CASQ2: variants seen among roughly 807,000 people sequenced by gnomAD.
The protein encoded by CASQ2 is calsequestrin 2.
Under a neutral mutation model 46.5 loss-of-function variants are expected in CASQ2, and 49 were observed. The ratio of observed to expected loss-of-function variants is 1.05; its 90% CI spans 0.84 to 1.34. The LOEUF (loss-of-function observed/expected upper bound fraction) is 1.34. CASQ2 is among the 40% of genes most tolerant of loss of function. The pLI is 0.00. For synonymous variants in CASQ2, 174 were observed against 168.5 expected (o/e 1.03, Z -0.25); for missense variants, 486 against 481.3 (o/e 1.01, Z -0.09).
At position 115,738,292 on chromosome 1, in the gene CASQ2, A is replaced by C; in HGVS notation, c.464T>G (p.Val155Gly). 2 of 1,613,924 alleles carry C rather than the reference A, an allele frequency of 1.2e-6. No individual in the cohort carries two copies. Among genetic ancestry groups the C allele is most frequent in the Non-Finnish European group, 1.7e-6 (2 of 1,179,792 alleles). The change falls in exon 4 of 11, where the codon GTC becomes GGC. Residue 155 changes from valine to glycine, a missense_variant. Coordinates refer to ENST00000261448, the MANE Select transcript of CASQ2 (RefSeq NM_001232.4). Reference sequence around the variant, plus strand: ...GTCTTCAATGCGTTCGAAGGCTTGGACTTCCAGTTTGCTGCTGATGATCTC... The same window carrying C: ...GTCTTCAATGCGTTCGAAGGCTTGGCCTTCCAGTTTGCTGCTGATGATCTC... ...PVEIISSKLEVQAFERIEDYI... is the reference protein window; with the variant it reads ...PVEIISSKLEGQAFERIEDYI...
chr1:115,735,945 T>C (rs1437530379), intron 4 of CASQ2, among the ~76,000 whole-genome samples: 1 of 152,118 alleles, frequency 6.6e-6, no homozygotes, highest in Non-Finnish European at 1.5e-5. Flanking sequence ...GTGGATCATC[T>C]GAGGTCAGGA....
intron 8 of CASQ2, among the ~76,000 whole-genome samples, chr1:115,708,649 T>C (rs1249319407): frequency 6.6e-6 from 1 of 152,246 alleles, no homozygotes; most frequent in Non-Finnish European, 1.5e-5. Context: ...ACTTGGACAG[T>C]GCCTGGCATA....
chr1:115,760,812 A>C (rs1477915468), intron 1 of CASQ2, among the ~76,000 whole-genome samples: 1 of 152,224 alleles, frequency 6.6e-6, no homozygotes, highest in Non-Finnish European at 1.5e-5. Flanking sequence ...AGTTCAAGTG[A>C]CTAGTGAAGA....
chr1:115,765,207 G>A (rs1649090499), intron 1 of CASQ2, among the ~76,000 whole-genome samples: 1 of 152,162 alleles, frequency 6.6e-6, no homozygotes, highest in Admixed American at 6.5e-5. Flanking sequence ...TGAGCCACTT[G>A]AGGGTCTCAT....
intron 9 of CASQ2, among the ~76,000 whole-genome samples, chr1:115,703,911 CAAAA>C (rs11325357): frequency 8.5e-6 from 1 of 117,978 alleles, no homozygotes; most frequent in East Asian, 2.4e-4. Flanking sequence ...GACCCTGTCT[CAAAA>C]AAAAAAAACA....
chr1:115,708,892 G>T (rs1654445913), intron 8 of CASQ2, among the ~76,000 whole-genome samples: 2 of 152,338 alleles, frequency 1.3e-5, no homozygotes, highest in African/African-American at 2.4e-5. Flanking sequence ...GCTCCTTCCA[G>T]CTCCTGTTGC....
At chr1:115,705,767 T>G (rs1000469351) in intron 8 of CASQ2, among the ~76,000 whole-genome samples, 5 of 152,210 alleles carry the variant, frequency 3.3e-5, no homozygotes. Context: ...AACGAGCTTC[T>G]GATTTACAGT....
At chr1:115,730,205 C>T (rs1299914720) in intron 5 of CASQ2, among the ~76,000 whole-genome samples, 1 of 152,070 alleles carries the variant, frequency 6.6e-6, no homozygotes, top group Non-Finnish European at 1.5e-5. Flanking sequence ...GGGCTGGGGC[C>T]CAGAGACCAA....
At chr1:115,749,215 A>G (rs899044907) in intron 1 of CASQ2, among the ~76,000 whole-genome samples, 2 of 152,242 alleles carry the variant, frequency 1.3e-5, no homozygotes, top group East Asian at 3.8e-4. Flanking sequence ...GTTAACTCTG[A>G]GAATTAAACA....
At chr1:115,759,579 C>A (rs1483539906) in intron 1 of CASQ2, among the ~76,000 whole-genome samples, 1 of 152,172 alleles carries the variant, frequency 6.6e-6, no homozygotes, top group Non-Finnish European at 1.5e-5. Flanking sequence ...TTATAGATGA[C>A]CCAGCCTCAG....
chr1:115,761,497 G>GAAGAAGAAGAAGAAGAAGAAGAAGA (rs1648956584), intron 1 of CASQ2, among the ~76,000 whole-genome samples: 1 of 18,940 alleles, frequency 5.3e-5, no homozygotes, highest in Non-Finnish European at 9.5e-5. Flanking sequence ...GGAGAAGAAG[G>GAAGAAGAAGAAGAAGAAGAAGAAGA]AGAAGAAGAA....
intron 5 of CASQ2, 76 bp downstream of exon 5, chr1:115,732,825 A>C: frequency 9.9e-7 from 1 of 1,006,112 alleles, no homozygotes; most frequent in East Asian, 2.4e-5. Context: ...AAAAGAAAAG[A>C]AAGAGTGGTG....
intron 1 of CASQ2, among the ~76,000 whole-genome samples, chr1:115,753,816 G>C (rs1272088770): frequency 6.6e-6 from 1 of 152,050 alleles, no homozygotes; most frequent in Non-Finnish European, 1.5e-5. Flanking sequence ...GGAGGTGGAG[G>C]GTCATAAAGA....
intron 1 of CASQ2, among the ~76,000 whole-genome samples, chr1:115,767,850 G>C (rs376326065): frequency 6.6e-6 from 1 of 152,158 alleles, no homozygotes; most frequent in Admixed American, 6.5e-5. Context: ...GATATTCTCC[G>C]TCTGACCCCC....
chr1:115,701,291 T>TATC lies in CASQ2; in HGVS notation c.1147_1149dup (p.Asp383dup), dbSNP rs72554069. 83 of 1,594,326 alleles carry TATC rather than the reference T, an allele frequency of 5.2e-5. 1 individual carries two copies. The highest frequency in any genetic ancestry group is 1.5e-4 in the Admixed American group (9 of 59,942). On this transcript the variant is annotated inframe_insertion, in exon 11 of 11. Coordinates refer to ENST00000261448, the MANE Select transcript of CASQ2 (RefSeq NM_001232.4). ...TCATCATTATCCTCTTCATCAGAATTATCATCATCATCATCATCTTCATCA... is the reference window on the plus strand; with the variant it reads ...TCATCATTATCCTCTTCATCAGAATTATCATCATCATCATCATCATCTTCATCA...
At chr1:115,731,048 C>T (rs951701867) in intron 5 of CASQ2, among the ~76,000 whole-genome samples, 2 of 152,172 alleles carry the variant, frequency 1.3e-5, no homozygotes, top group African/African-American at 4.8e-5. Context: ...TTCTTAAGCA[C>T]CAAATGGCAT....
chr1:115,712,558 C>A (rs1171780415), intron 8 of CASQ2, among the ~76,000 whole-genome samples: 1 of 152,126 alleles, frequency 6.6e-6, no homozygotes, highest in East Asian at 1.9e-4. Context: ...AAAAACAGCA[C>A]CTAACACGTC....
chr1:115,723,305 T>TATTTATCTATC (rs1647455098), intron 7 of CASQ2, among the ~76,000 whole-genome samples: 3 of 148,748 alleles, frequency 2.0e-5, no homozygotes, highest in African/African-American at 7.5e-5. Context: ...ATCTATCTAT[T>TATTTATCTATC]TATCTATCTA....
intron 2 of CASQ2, among the ~76,000 whole-genome samples, chr1:115,744,274 G>A (rs1028411547): frequency 2.6e-5 from 4 of 152,198 alleles, no homozygotes; most frequent in Non-Finnish European, 5.9e-5. Flanking sequence ...CGACACTAGA[G>A]AGTACAACTT....
Sources: allele counts gnomAD v4.1 joint callset (sites outside exome capture counted in the v4.1 genomes callset), GRCh38; gene constraint gnomAD v4.1.1; transcripts MANE v1.5; gene names NCBI Gene and HGNC (gene_info 2026-07-23, HGNC 2026-07-21).